Variants in SYNPO2 observed in about 807,000 individuals in gnomAD.
SYNPO2 encodes synaptopodin 2.
Under a neutral mutation model 85.0 loss-of-function variants are expected in SYNPO2, and 56 were observed. The observed-to-expected ratio is 0.66, with a 90% CI of 0.53 to 0.82. The LOEUF (loss-of-function observed/expected upper bound fraction) is 0.82. SYNPO2 is among the 40% of genes least tolerant of loss of function. SYNPO2 has a pLI of 0.00. For synonymous variants in SYNPO2, 602 were observed against 591.1 expected, an observed-to-expected ratio of 1.02 and a Z score of -0.27; for missense variants, 1,575 against 1,534.2, an observed-to-expected ratio of 1.03 and a Z score of -0.44.
At chr4:119,057,051 G>C (rs1739229129) in intron 4 of SYNPO2, among the ~76,000 whole-genome samples, 1 of 152,172 alleles carries the variant, frequency 6.6e-6, no homozygotes, top group Admixed American at 6.5e-5. Context: ...CAGAGAGAAG[G>C]AAAGGTGGTT....
chr4:118,875,176 A>G (rs567962819), intron 1 of SYNPO2, among the ~76,000 whole-genome samples: 10 of 152,362 alleles, frequency 6.6e-5, no homozygotes, highest in Non-Finnish European at 1.5e-4. Context: ...TGTCCTTGCA[A>G]AGGACATGAT....
At chr4:118,981,617 G>A (rs1318674314) in intron 1 of SYNPO2, among the ~76,000 whole-genome samples, 1 of 152,148 alleles carries the variant, frequency 6.6e-6, no homozygotes, top group Non-Finnish European at 1.5e-5. Context: ...TGATTAGGGG[G>A]TTGCCCTAGA....
intron 1 of SYNPO2, among the ~76,000 whole-genome samples, chr4:118,997,012 G>T (rs1277594269): frequency 6.6e-6 from 1 of 151,616 alleles, no homozygotes; most frequent in African/African-American, 2.4e-5. Context: ...AGGCCGAGGC[G>T]GGCGGATCAC....
intron 1 of SYNPO2, among the ~76,000 whole-genome samples, chr4:118,997,696 A>C (rs1430101762): frequency 6.6e-6 from 1 of 152,122 alleles, no homozygotes; most frequent in Non-Finnish European, 1.5e-5. Flanking sequence ...GGCAGAGCAA[A>C]TCTTTAGTCT....
intron 1 of SYNPO2, among the ~76,000 whole-genome samples, chr4:118,945,930 G>A (rs559330823): frequency 6.6e-6 from 1 of 152,152 alleles, no homozygotes; most frequent in East Asian, 1.9e-4. Context: ...ATTGTTTGTA[G>A]AGTAGGGGTT....
chr4:118,952,953 C>T (rs1409559114), intron 1 of SYNPO2, among the ~76,000 whole-genome samples: 1 of 152,104 alleles, frequency 6.6e-6, no homozygotes. Context: ...TATACAGAAT[C>T]AGAGTAGTGG....
At chr4:119,011,734 G>A (rs1349405363) in intron 1 of SYNPO2, among the ~76,000 whole-genome samples, 1 of 152,156 alleles carries the variant, frequency 6.6e-6, no homozygotes, top group African/African-American at 2.4e-5. Context: ...ATTTATTGCA[G>A]GTCTACTATG....
At chr4:119,009,910 G>A (rs190254921) in intron 1 of SYNPO2, among the ~76,000 whole-genome samples, 163 of 152,316 alleles carry the variant, frequency 1.1e-3, no homozygotes, top group Non-Finnish European at 1.4e-3. Flanking sequence ...CTGGGTTGGG[G>A]GCTGAGATTC....
chr4:119,035,046 G>A lies in SYNPO2; in HGVS notation c.3252+3019G>A, dbSNP rs566630360. On this transcript the variant is annotated intron_variant, in intron 4 of 4. Transcript: ENST00000307142. Reference sequence around the variant, plus strand: ...AAGTCGGTTTTCATTGCCAGCTCAAGAGCGACAATCATTTACGAGTTCCTA... The same window carrying A: ...AAGTCGGTTTTCATTGCCAGCTCAAAAGCGACAATCATTTACGAGTTCCTA... 2.2e-5 allele frequency: 22 copies of A among 985,434 alleles called. No homozygotes were observed. In the East Asian group the frequency reaches 2.3e-3, roughly 102 times the overall value. 61.0% of individuals were successfully genotyped at this position (985,434 alleles called of 1,614,324 possible).
chr4:118,868,369 T>A (rs1266442248), intron 1 of SYNPO2, among the ~76,000 whole-genome samples: 1 of 152,158 alleles, frequency 6.6e-6, no homozygotes, highest in Non-Finnish European at 1.5e-5. Flanking sequence ...ATTTTAAAAT[T>A]GTCAATTTGT....
intron 1 of SYNPO2, among the ~76,000 whole-genome samples, chr4:118,983,009 T>A (rs1736088433): frequency 6.6e-6 from 1 of 152,026 alleles, no homozygotes; most frequent in Admixed American, 6.6e-5. Context: ...CTCTTGAAAA[T>A]TCTTTCTTCC....
chr4:118,943,132 TG>T (rs1734375231), intron 1 of SYNPO2, among the ~76,000 whole-genome samples: 1 of 150,612 alleles, frequency 6.6e-6, no homozygotes, highest in South Asian at 2.1e-4. Context: ...TCAATAGTGT[TG>T]AGGTTGAAAA....
At chr4:118,974,409 C>A (rs1322888309) in intron 1 of SYNPO2, among the ~76,000 whole-genome samples, 2 of 152,230 alleles carry the variant, frequency 1.3e-5, no homozygotes. Context: ...AGGCCTAGAC[C>A]CAGAATATTG....
chr4:119,004,546 C>T (rs538577218), intron 1 of SYNPO2, among the ~76,000 whole-genome samples: 37 of 149,416 alleles, frequency 2.5e-4, no homozygotes, highest in South Asian at 1.6e-3. Context: ...TCCCTACAAA[C>T]GACATAAACT....
intron 1 of SYNPO2, among the ~76,000 whole-genome samples, chr4:118,894,542 TGGGGGAACGTC>T (rs543251176): frequency 5.2e-4 from 69 of 132,748 alleles, no homozygotes; most frequent in African/African-American, 1.8e-3. Context: ...GTGGACGTGT[TGGGGGAACGTC>T]GGGGGAACGT....
intron 1 of SYNPO2, among the ~76,000 whole-genome samples, chr4:118,975,518 G>A (rs550069637): frequency 8.5e-5 from 13 of 152,302 alleles, no homozygotes; most frequent in Admixed American, 3.9e-4. Flanking sequence ...AGTGGTAGCA[G>A]AGTCCAAGCA....
Position 119,033,882 on chromosome 4 carries a change from T to G in SYNPO2, c.3252+1855T>G, listed in dbSNP as rs28664015. 7,999 of 985,354 alleles carry G rather than the reference T, an allele frequency of 8.1e-3. 442 individuals carry two copies. In the African/African-American group the frequency reaches 0.12, roughly 14 times the overall value. The allele number at this position is 985,354 out of a possible 1,614,324, so 61.0% of individuals were successfully genotyped here. ...TCCATACATTGTAAAACTGTAATCC[T>G]TAGGTATTTCTAAAACATAAAGAGG... is the stretch of plus-strand genomic sequence containing the variant. On this transcript the variant is annotated intron_variant, in intron 4 of 4. Coordinates refer to ENST00000307142, the MANE Select transcript of SYNPO2 (RefSeq NM_133477.3).
intron 4 of SYNPO2, chr4:119,035,207 T>A (rs1738458402): frequency 1.0e-6 from 1 of 985,312 alleles, no homozygotes; most frequent in Non-Finnish European, 1.2e-6. Flanking sequence ...TTTCCACAAG[T>A]TTCCCCTTAA....
intron 1 of SYNPO2, among the ~76,000 whole-genome samples, chr4:118,950,387 G>A (rs1734658337): frequency 6.6e-6 from 1 of 152,222 alleles, no homozygotes; most frequent in African/African-American, 2.4e-5. Context: ...ACAGCCCAGG[G>A]AAACACCAGG....
Sources: allele counts gnomAD v4.1 joint callset (sites outside exome capture counted in the v4.1 genomes callset), GRCh38; gene constraint gnomAD v4.1.1; transcripts MANE v1.5; gene names NCBI Gene and HGNC (gene_info 2026-07-23, HGNC 2026-07-21).